ANKRD6: variants seen among roughly 807,000 people sequenced by gnomAD.
ANKRD6 encodes the protein ankyrin repeat domain-containing protein 6.
ANKRD6 carries 56 observed loss-of-function variants against 82.3 expected under a neutral mutation model. That is an observed-to-expected ratio of 0.68 (90% CI 0.55 to 0.85). The LOEUF is 0.85. Among genes scored for constraint, ANKRD6 ranks in the 40% least tolerant of loss-of-function variants. The pLI is 0.00. For synonymous variants in ANKRD6, 347 were observed against 352.1 expected (o/e 0.99, Z 0.16); for missense variants, 852 against 907.6 (o/e 0.94, Z 0.79).
At chr6:89,486,990 C>T (rs1777454287) in intron 1 of ANKRD6, among the ~76,000 whole-genome samples, 1 of 152,170 alleles carries the variant, frequency 6.6e-6, no homozygotes, top group Non-Finnish European at 1.5e-5. Context: ...GGGGTGGACA[C>T]AAACATTCAG....
intron 1 of ANKRD6, chr6:89,562,569 A>G (rs553133289): frequency 1.7e-4 from 26 of 152,302 alleles, no homozygotes; most frequent in Admixed American, 1.3e-3. Context: ...CCTGACTTCA[A>G]TCGGGGCAGT....
intron 1 of ANKRD6, among the ~76,000 whole-genome samples, chr6:89,516,524 G>T (rs1344848702): frequency 6.6e-6 from 1 of 152,120 alleles, no homozygotes; most frequent in Non-Finnish European, 1.5e-5. Context: ...GCCCAGGCTG[G>T]AGTGCAGTGG....
intron 1 of ANKRD6, among the ~76,000 whole-genome samples, chr6:89,546,798 A>G (rs964548092): frequency 2.0e-5 from 3 of 152,016 alleles, no homozygotes; most frequent in Admixed American, 2.0e-4. Context: ...TAAGAGAAAA[A>G]GAAAAGAAGG....
intron 4 of ANKRD6, among the ~76,000 whole-genome samples, chr6:89,603,794 T>C (rs1040141197): frequency 5.3e-5 from 8 of 152,134 alleles, no homozygotes; most frequent in African/African-American, 1.9e-4. Context: ...AAGACCAGCC[T>C]AGTCAACATA....
chr6:89,437,687 A>G (rs1193845210), intron 1 of ANKRD6, among the ~76,000 whole-genome samples: 3 of 152,194 alleles, frequency 2.0e-5, no homozygotes, highest in East Asian at 3.8e-4. Context: ...ACCTTGTTTC[A>G]TATCCAGTGA....
chr6:89,435,425 C>T (rs1373007286), intron 1 of ANKRD6, among the ~76,000 whole-genome samples: 1 of 152,138 alleles, frequency 6.6e-6, no homozygotes, highest in African/African-American at 2.4e-5. Context: ...TATGAAAAAC[C>T]CTGAGGAAAG....
intron 1 of ANKRD6, among the ~76,000 whole-genome samples, chr6:89,496,187 CA>C (rs1237271212): frequency 2.6e-5 from 4 of 151,270 alleles, no homozygotes; most frequent in Admixed American, 2.0e-4. Flanking sequence ...CCCCCCCCCC[CA>C]CCATAATTAA....
At chr6:89,513,392 C>G (rs1780798226) in intron 1 of ANKRD6, among the ~76,000 whole-genome samples, 1 of 152,170 alleles carries the variant, frequency 6.6e-6, no homozygotes, top group African/African-American at 2.4e-5. Context: ...CTGCTTTCCC[C>G]TCCAAATCAC....
At chr6:89,467,351 C>G (rs1774965061) in intron 1 of ANKRD6, among the ~76,000 whole-genome samples, 1 of 151,988 alleles carries the variant, frequency 6.6e-6, no homozygotes, top group South Asian at 2.1e-4. Context: ...TCTGAGTACA[C>G]CAAGTACTTG....
At chr6:89,465,120 A>ATTTT (rs1238834768) in intron 1 of ANKRD6, among the ~76,000 whole-genome samples, 2 of 138,770 alleles carry the variant, frequency 1.4e-5, no homozygotes, top group Non-Finnish European at 1.6e-5. Context: ...CATTGCTTTA[A>ATTTT]TTTTTTTTTT....
At chr6:89,544,725 C>CA (rs1784860393) in intron 1 of ANKRD6, among the ~76,000 whole-genome samples, 1 of 151,458 alleles carries the variant, frequency 6.6e-6, no homozygotes, top group Admixed American at 6.6e-5. Flanking sequence ...AAAAAAACCC[C>CA]AAAAAACAAA....
rs976224869 is a variant in ANKRD6, at chr6:89,493,928, A to C, written c.-144+60553A>C. ...TGGGGGCCACTGTTCAACCCACTAC[A>C]ATTGTTAAAGAAAAAGTTATTCTGA... is the stretch of plus-strand genomic sequence containing the variant. On this transcript the variant is annotated intron_variant, in intron 1 of 15. Coordinates refer to ENST00000339746, the MANE Select transcript of ANKRD6 (RefSeq NM_001242809.2). Among the ~76,000 whole-genome samples, 21 of 152,314 alleles carry C rather than the reference A, an allele frequency of 1.4e-4. No individual in the cohort carries two copies. The South Asian group carries it at 1.7e-3, about 12-fold the overall frequency.
At chr6:89,447,374 A>G (rs1340477187) in intron 1 of ANKRD6, among the ~76,000 whole-genome samples, 2 of 152,216 alleles carry the variant, frequency 1.3e-5, no homozygotes, top group African/African-American at 2.4e-5. Context: ...AACCAGCCAC[A>G]ACATTCCCTA....
At chr6:89,511,652 T>C (rs1255409884) in intron 1 of ANKRD6, among the ~76,000 whole-genome samples, 1 of 152,204 alleles carries the variant, frequency 6.6e-6, no homozygotes, top group East Asian at 1.9e-4. Context: ...GAATAATGCA[T>C]AGAAAGTGCT....
chr6:89,454,468 A>G (rs1284684202), intron 1 of ANKRD6, among the ~76,000 whole-genome samples: 1 of 152,248 alleles, frequency 6.6e-6, no homozygotes, highest in Non-Finnish European at 1.5e-5. Flanking sequence ...CAAGAACTGA[A>G]TAACAGATGA....
chr6:89,578,286 C>CTTTTTTTTTTTTTTTTTTTTTTTTTT lies in ANKRD6; in HGVS notation c.120+11191_120+11216dup, dbSNP rs71024383. 2.5e-5 allele frequency among the ~76,000 whole-genome samples: 3 copies of CTTTTTTTTTTTTTTTTTTTTTTTTTT among 119,098 alleles called. 1 individual carries two copies. 78.1% of individuals were successfully genotyped at this position (119,098 alleles called of 152,430 possible). On this transcript the variant is annotated intron_variant, in intron 2 of 15. Transcript: ENST00000339746. ...ATTAGCTTTTTCCCCCTCCCGCCTC[C>CTTTTTTTTTTTTTTTTTTTTTTTTTT]TTTTTTTTTTTTTTTTTTTTTTTTT... is the stretch of plus-strand genomic sequence containing the variant.
chr6:89,542,481 T>A (rs1308358350), intron 1 of ANKRD6, among the ~76,000 whole-genome samples: 1 of 152,184 alleles, frequency 6.6e-6, no homozygotes, highest in Non-Finnish European at 1.5e-5. Flanking sequence ...AAAGGGAAAC[T>A]TCATCTTGTC....
At chr6:89,499,136 G>T (rs1320822413) in intron 1 of ANKRD6, among the ~76,000 whole-genome samples, 3 of 152,170 alleles carry the variant, frequency 2.0e-5, no homozygotes, top group Admixed American at 1.3e-4. Context: ...CCTTCTTCCT[G>T]TCTGGACCTG....
Position 89,633,130 on chromosome 6 carries a change from A to G in ANKRD6, c.*2126A>G, listed in dbSNP as rs1807723205. On this transcript the variant is annotated 3_prime_UTR_variant, in exon 16 of 16. Coordinates refer to ENST00000339746, the MANE Select transcript of ANKRD6 (RefSeq NM_001242809.2). ...TGTCAAAAGTCACAGGGAAGAGACT[A>G]CAGAAGAATGAGAAGGGTCAAAAGG... The G allele has an allele frequency of 6.6e-6, 1 of 152,170 alleles. No individual in the cohort carries two copies. Among genetic ancestry groups the G allele is most frequent in the South Asian group, 2.1e-4 (1 of 4,824 alleles). The allele number at this position is 152,170 out of a possible 1,614,324, so 9.4% of individuals were successfully genotyped here.
Sources: allele counts gnomAD v4.1 joint callset (sites outside exome capture counted in the v4.1 genomes callset), GRCh38; gene constraint gnomAD v4.1.1; transcripts MANE v1.5; gene names NCBI Gene and HGNC (gene_info 2026-07-23, HGNC 2026-07-21).